FHIT: variants seen among roughly 807,000 people sequenced by gnomAD.
FHIT encodes the protein bis(5'-adenosyl)-triphosphatase.
Under a neutral mutation model 17.9 loss-of-function variants are expected in FHIT, and 19 were observed. That is an observed-to-expected ratio of 1.06 (90% CI 0.74 to 1.56). The LOEUF is 1.56. Ranked by LOEUF, FHIT falls within the 40% of genes most tolerant of loss-of-function variation. FHIT has a pLI of 0.00. For missense variants in FHIT, 248 were observed against 189.2 expected, an observed-to-expected ratio of 1.31 and a Z score of -1.82; for synonymous variants, 81 against 69.7, an observed-to-expected ratio of 1.16 and a Z score of -0.81.
Position 60,454,267 on chromosome 3 carries a change from G to T in FHIT, c.103+82593C>A, listed in dbSNP as rs558974606. On this transcript the variant is annotated intron_variant, in intron 5 of 9. Transcript: ENST00000492590. ...CATTCCTCAAGCCAAAAGCAGATCA[G>T]ACCCTCACTGAGGGCACTTTCTATT... Among the ~76,000 whole-genome samples, 4 of 152,186 alleles carry T rather than the reference G, an allele frequency of 2.6e-5. No individual in the cohort carries two copies. In the East Asian group the frequency reaches 7.7e-4, roughly 29 times the overall value.
At chr3:60,093,302 C>T (rs867569471) in intron 5 of FHIT, among the ~76,000 whole-genome samples, 25 of 152,140 alleles carry the variant, frequency 1.6e-4, no homozygotes, top group African/African-American at 5.8e-4. Flanking sequence ...TGGCCTCTTC[C>T]TTCATCTTTA....
chr3:60,272,834 A>G (rs1706929076), intron 5 of FHIT, among the ~76,000 whole-genome samples: 1 of 152,210 alleles, frequency 6.6e-6, no homozygotes, highest in Non-Finnish European at 1.5e-5. Flanking sequence ...TGTGATTTTG[A>G]GAATGAAACA....
intron 3 of FHIT, among the ~76,000 whole-genome samples, chr3:60,941,365 C>A (rs1351680566): frequency 6.6e-6 from 1 of 152,126 alleles, no homozygotes; most frequent in Non-Finnish European, 1.5e-5. Context: ...CTATAATTTT[C>A]TACTCTGTGT....
At chr3:60,969,749 A>G (rs962146117) in intron 3 of FHIT, among the ~76,000 whole-genome samples, 2 of 152,182 alleles carry the variant, frequency 1.3e-5, no homozygotes, top group Non-Finnish European at 2.9e-5. Flanking sequence ...CTAGGTATAT[A>G]TTATATTTAC....
intron 4 of FHIT, among the ~76,000 whole-genome samples, chr3:60,589,572 A>C (rs1553663417): frequency 6.6e-6 from 1 of 152,054 alleles, no homozygotes; most frequent in Non-Finnish European, 1.5e-5. Context: ...TATAAGGAAC[A>C]CTCTTCTTCA....
At chr3:60,189,318 T>A (rs1397487884) in intron 5 of FHIT, among the ~76,000 whole-genome samples, 1 of 152,212 alleles carries the variant, frequency 6.6e-6, no homozygotes, top group Non-Finnish European at 1.5e-5. Flanking sequence ...TTATTCATCC[T>A]ATTTTAAAAG....
intron 5 of FHIT, among the ~76,000 whole-genome samples, chr3:60,499,594 T>C (rs1260201885): frequency 1.3e-5 from 2 of 152,286 alleles, no homozygotes; most frequent in Admixed American, 6.5e-5. Context: ...GGTTTCACCG[T>C]GGCCTTGATC....
At chr3:60,347,767 T>A (rs1280149383) in intron 5 of FHIT, among the ~76,000 whole-genome samples, 1 of 150,414 alleles carries the variant, frequency 6.6e-6, no homozygotes. Flanking sequence ...TATCTTTTCA[T>A]TTTTTTTTGA....
At chr3:60,822,381 G>A (rs1480157733) in intron 3 of FHIT, among the ~76,000 whole-genome samples, 13 of 152,144 alleles carry the variant, frequency 8.5e-5, no homozygotes, top group South Asian at 2.1e-4. Context: ...AGGCTGACCC[G>A]TGAGTCTGGT....
At chr3:61,230,857 C>T (rs2040082147) in intron 1 of FHIT, among the ~76,000 whole-genome samples, 1 of 152,182 alleles carries the variant, frequency 6.6e-6, no homozygotes, top group South Asian at 2.1e-4. Context: ...TGGTATATCA[C>T]AGAACAATCT....
intron 4 of FHIT, among the ~76,000 whole-genome samples, chr3:60,555,442 A>G (rs964323264): frequency 1.3e-5 from 2 of 152,200 alleles, no homozygotes; most frequent in Non-Finnish European, 2.9e-5. Flanking sequence ...TTCTTCCACC[A>G]TCATGGGTTT....
chr3:61,122,729 T>C (rs1424443908), intron 2 of FHIT, among the ~76,000 whole-genome samples: 2 of 152,062 alleles, frequency 1.3e-5, no homozygotes, highest in Admixed American at 6.6e-5. Context: ...GACATTTATG[T>C]GGACAACAAA....
intron 4 of FHIT, among the ~76,000 whole-genome samples, chr3:60,591,440 G>T (rs889456620): frequency 5.3e-5 from 8 of 152,064 alleles, no homozygotes; most frequent in Non-Finnish European, 1.2e-4. Context: ...ACAGCAAGGA[G>T]CCCCAGAGCA....
At chr3:60,932,788 T>C (rs1043571351) in intron 3 of FHIT, among the ~76,000 whole-genome samples, 1 of 152,168 alleles carries the variant, frequency 6.6e-6, no homozygotes, top group Non-Finnish European at 1.5e-5. Context: ...TTTGGTGTCA[T>C]CCACTTTCTG....
At position 61,247,237 on chromosome 3, in the gene FHIT, C is replaced by T. The variant is rs73101003; in HGVS notation, c.-213+4064G>A. On this transcript the variant is annotated intron_variant, in intron 1 of 9. Coordinates refer to ENST00000492590, the MANE Select transcript of FHIT (RefSeq NM_002012.4). ...CTTCTCCTCTGCTGTTGCTGTGATC[C>T]TCATTCCTGTTGCTCCTTCCCTGTT... 7.0e-3 allele frequency among the ~76,000 whole-genome samples: 1,069 copies of T among 152,312 alleles called. 7 individuals are homozygous for T. Among genetic ancestry groups the T allele is most frequent in the Non-Finnish European group, 0.011 (742 of 68,018 alleles).
At chr3:59,917,855 C>T (rs1705208040) in intron 8 of FHIT, among the ~76,000 whole-genome samples, 1 of 152,222 alleles carries the variant, frequency 6.6e-6, no homozygotes, top group South Asian at 2.1e-4. Context: ...GCAAATCCTA[C>T]ATCTGTATTT....
At chr3:61,240,461 G>A (rs2040347946) in intron 1 of FHIT, among the ~76,000 whole-genome samples, 1 of 152,044 alleles carries the variant, frequency 6.6e-6, no homozygotes, top group Admixed American at 6.5e-5. Context: ...TCCCAGGGTG[G>A]GCATTTGCTC....
intron 5 of FHIT, among the ~76,000 whole-genome samples, chr3:60,101,123 G>C (rs60287158): frequency 0.13 from 20,224 of 152,196 alleles, 2,042 homozygotes; most frequent in African/African-American, 0.29. Context: ...GCCGGCCCCC[G>C]CTCCCTATTC....
Position 60,281,618 on chromosome 3 carries a change from C to CAAA in FHIT, c.103+255239_103+255241dup, listed in dbSNP as rs71627529. The stretch of plus-strand genomic sequence containing the variant: ...CTAGAATAACTGGACATCCATATGC[C>CAAA]AAAAAAAAAAAAAGGGGGGATCTAC... On this transcript the variant is annotated intron_variant, in intron 5 of 9. Transcript: ENST00000492590. 8.1e-3 allele frequency among the ~76,000 whole-genome samples: 748 copies of CAAA among 92,284 alleles called. 15 individuals carry two copies. The highest frequency in any genetic ancestry group is 0.048 in the Admixed American group (453 of 9,530). The allele number at this position is 92,284 out of a possible 152,430, so 60.5% of individuals were successfully genotyped here.
Sources: allele counts gnomAD v4.1 joint callset (sites outside exome capture counted in the v4.1 genomes callset), GRCh38; gene constraint gnomAD v4.1.1; transcripts MANE v1.5; gene names NCBI Gene and HGNC (gene_info 2026-07-23, HGNC 2026-07-21).